DEPDC1B: variants seen among roughly 807,000 people sequenced by gnomAD.
DEPDC1B encodes DEP domain containing 1B, also known as DEP domain-containing protein 1B.
DEPDC1B carries 51 observed loss-of-function variants against 66.5 expected under a neutral mutation model. The ratio of observed to expected loss-of-function variants is 0.77; its 90% confidence interval spans 0.61 to 0.97. The LOEUF is 0.97. Ranked by LOEUF, DEPDC1B falls within the 50% of genes least tolerant of loss-of-function variation. The pLI is 0.00. For synonymous variants in DEPDC1B, 226 were observed against 223.6 expected (o/e 1.01, Z -0.10); for missense variants, 552 against 637.1 (o/e 0.87, Z 1.44).
At chr5:60,699,907 C>T (rs545192636) in intron 1 of DEPDC1B, 139 bp downstream of exon 1, 8 of 1,025,416 alleles carry the variant, frequency 7.8e-6, no homozygotes, top group Non-Finnish European at 1.1e-5. Flanking sequence ...AAAGGCAGCC[C>T]CAGTAGTCCC....
At chr5:60,604,011 G>T (rs1752259425) in intron 8 of DEPDC1B, among the ~76,000 whole-genome samples, 1 of 151,414 alleles carries the variant, frequency 6.6e-6, no homozygotes, top group African/African-American at 2.4e-5. Flanking sequence ...CGCTAACACA[G>T]TCCACATGCC....
chr5:60,676,644 C>A (rs1754168788), intron 2 of DEPDC1B, among the ~76,000 whole-genome samples: 1 of 152,144 alleles, frequency 6.6e-6, no homozygotes, highest in Non-Finnish European at 1.5e-5. Flanking sequence ...CAGCCTTGAT[C>A]TTGCCATCTT....
intron 7 of DEPDC1B, among the ~76,000 whole-genome samples, chr5:60,624,521 AT>A (rs1289869011): frequency 1.3e-5 from 2 of 152,178 alleles, no homozygotes; most frequent in Non-Finnish European, 2.9e-5. Flanking sequence ...TTCAGGAAAT[AT>A]TCCCTCATCT....
rs565659674 is a variant in DEPDC1B at position 60,652,545 on chromosome 5, C to T, written c.315-5012G>A. On this transcript the variant is annotated intron_variant, in intron 2 of 10. Coordinates refer to ENST00000265036, the MANE Select transcript of DEPDC1B (RefSeq NM_018369.3). ...GGGACATACTGAGGCTTGTCCAACC[C>T]CCTATCCCATCATGGCTAGGAACTC... Among the ~76,000 whole-genome samples the T allele has an allele frequency of 6.4e-4, 95 of 149,046 alleles. 7 individuals carry two copies. Among genetic ancestry groups the T allele is most frequent in the African/African-American group, 2.0e-3 (80 of 39,546 alleles).
chr5:60,619,657 G>A (rs374554878), intron 7 of DEPDC1B, among the ~76,000 whole-genome samples: 1 of 152,006 alleles, frequency 6.6e-6, no homozygotes. Context: ...AACAAATGGA[G>A]GAACATTCCA....
intron 7 of DEPDC1B, among the ~76,000 whole-genome samples, chr5:60,637,396 G>A (rs535343371): frequency 6.6e-5 from 10 of 152,220 alleles, no homozygotes; most frequent in Non-Finnish European, 8.8e-5. Flanking sequence ...GCCTGCTCCC[G>A]TTTTGCCTTC....
At chr5:60,693,484 C>T (rs1350733351) in intron 1 of DEPDC1B, among the ~76,000 whole-genome samples, 3 of 152,096 alleles carry the variant, frequency 2.0e-5, no homozygotes, top group African/African-American at 7.2e-5. Flanking sequence ...TATAAAAGTC[C>T]TTTGTTAAAA....
At chr5:60,686,893 C>A (rs1209785385) in intron 2 of DEPDC1B, 69 bp downstream of exon 2, 1 of 1,576,102 alleles carries the variant, frequency 6.3e-7, no homozygotes, top group East Asian at 2.2e-5. Context: ...CAGGAAGCTT[C>A]AACAGACTTG....
chr5:60,627,486 G>C (rs1314485564), intron 7 of DEPDC1B, among the ~76,000 whole-genome samples: 1 of 150,468 alleles, frequency 6.6e-6, no homozygotes, highest in South Asian at 2.1e-4. Flanking sequence ...TTATTATTTG[G>C]GTTCATTTCA....
At chr5:60,606,327 G>C (rs1042542772) in intron 7 of DEPDC1B, among the ~76,000 whole-genome samples, 6 of 152,130 alleles carry the variant, frequency 3.9e-5, no homozygotes, top group Non-Finnish European at 7.4e-5. Context: ...TGCCCACATA[G>C]TCAGTCCACT....
intron 7 of DEPDC1B, among the ~76,000 whole-genome samples, chr5:60,610,037 G>A (rs13355987): frequency 1.3e-3 from 204 of 152,162 alleles, no homozygotes; most frequent in African/African-American, 4.8e-3. Flanking sequence ...ACAGGGTAGG[G>A]GTTCTTATCA....
rs1327659209 is a variant in DEPDC1B at position 60,660,510 on chromosome 5, C to T, written c.315-12977G>A. 1.3e-5 allele frequency among the ~76,000 whole-genome samples: 2 copies of T among 152,190 alleles called. 1 individual carries two copies. Among genetic ancestry groups the T allele is most frequent in the Admixed American group, 1.3e-4 (2 of 15,272 alleles). On this transcript the variant is annotated intron_variant, in intron 2 of 10. Coordinates refer to ENST00000265036, the MANE Select transcript of DEPDC1B (RefSeq NM_018369.3). The stretch of plus-strand genomic sequence containing the variant: ...AGCCCAAAAGGACTGAGGCCACTGA[C>T]AACCCACAGCCTTCCTATCAAAAAT...
intron 7 of DEPDC1B, among the ~76,000 whole-genome samples, chr5:60,616,781 A>G (rs1038319805): frequency 6.6e-6 from 1 of 152,224 alleles, no homozygotes; most frequent in Non-Finnish European, 1.5e-5. Context: ...CAGGAAATAC[A>G]GAGAACGCCA....
chr5:60,647,342 T>A (rs1385027254), intron 3 of DEPDC1B, 56 bp downstream of exon 3: 4 of 1,533,664 alleles, frequency 2.6e-6, no homozygotes, highest in Non-Finnish European at 3.5e-6. Context: ...AGCCTAGGAG[T>A]TCATGGATGA....
chr5:60,629,275 T>C (rs1232012607), intron 7 of DEPDC1B, among the ~76,000 whole-genome samples: 1 of 152,250 alleles, frequency 6.6e-6, no homozygotes, highest in Admixed American at 6.5e-5. Context: ...TTCCACATCT[T>C]GAGTGCTGTG....
intron 2 of DEPDC1B, among the ~76,000 whole-genome samples, chr5:60,674,509 C>CT (rs976364276): frequency 8.5e-5 from 13 of 152,176 alleles, no homozygotes; most frequent in African/African-American, 2.9e-4. Flanking sequence ...ACTACTTATA[C>CT]TTGGTAGACT....
chr5:60,688,221 A>G (rs945574394), intron 1 of DEPDC1B, among the ~76,000 whole-genome samples: 3 of 152,132 alleles, frequency 2.0e-5, no homozygotes, highest in African/African-American at 2.4e-5. Context: ...TGCAAAACAA[A>G]GCTTTTTGAA....
intron 9 of DEPDC1B, among the ~76,000 whole-genome samples, chr5:60,601,842 C>T (rs1297432324): frequency 6.6e-6 from 1 of 152,022 alleles, no homozygotes; most frequent in Non-Finnish European, 1.5e-5. Context: ...GTATTTTAAT[C>T]ACATGTTTTA....
intron 2 of DEPDC1B, among the ~76,000 whole-genome samples, chr5:60,663,851 C>G (rs1188203246): frequency 6.6e-6 from 1 of 152,228 alleles, no homozygotes; most frequent in Non-Finnish European, 1.5e-5. Flanking sequence ...CTGCTTACAG[C>G]AGGTTAAATA....
Sources: allele counts gnomAD v4.1 joint callset (sites outside exome capture counted in the v4.1 genomes callset), GRCh38; gene constraint gnomAD v4.1.1; transcripts MANE v1.5; gene names NCBI Gene and HGNC (gene_info 2026-07-23, HGNC 2026-07-21).